The following RIN2 variants were observed in gnomAD, a reference collection of about 807,000 sequenced individuals.
RIN2 encodes RAB5 interacting protein 2.
A neutral mutation model predicts 78.0 loss-of-function variants in RIN2; 36 were observed. The observed-to-expected ratio is 0.46, with a 90% CI of 0.35 to 0.61. The LOEUF (loss-of-function observed/expected upper bound fraction) is 0.61. Among genes scored for constraint, RIN2 ranks in the 20% least tolerant of loss-of-function variants. The pLI is 0.00. For missense variants in RIN2, 1,087 were observed against 1,159.7 expected, an observed-to-expected ratio of 0.94 and a Z score of 0.91; for synonymous variants, 466 against 466.8, an observed-to-expected ratio of 1.00 and a Z score of 0.02.
chr20:19,793,493 T>C (rs1003423547), intron 1 of RIN2, among the ~76,000 whole-genome samples: 26 of 151,904 alleles, frequency 1.7e-4, no homozygotes, highest in African/African-American at 6.3e-4. Flanking sequence ...CTTTCTCTAG[T>C]ACAATTAATT....
At chr20:19,866,778 C>T (rs1456203157) in intron 2 of RIN2, among the ~76,000 whole-genome samples, 1 of 152,094 alleles carries the variant, frequency 6.6e-6, no homozygotes, top group Non-Finnish European at 1.5e-5. Flanking sequence ...GCAGGCACCA[C>T]CACACCAGCA....
At position 19,876,612 on chromosome 20, in the gene RIN2, T is replaced by C. The variant is rs117567641; in HGVS notation, c.-36-12954T>C. Among the ~76,000 whole-genome samples the C allele has an allele frequency of 2.3e-4, 35 of 152,152 alleles. No individual in the cohort carries two copies. The East Asian group carries it at 5.8e-3, about 25-fold the overall frequency. The stretch of plus-strand genomic sequence containing the variant: ...AGTAAAAGCCCTTTATAAATCAAAA[T>C]ACCACATACCGGCTGGGTGCTGTGG... On this transcript the variant is annotated intron_variant, in intron 2 of 12. Coordinates refer to ENST00000255006, the MANE Select transcript of RIN2 (RefSeq NM_018993.4).
intron 2 of RIN2, among the ~76,000 whole-genome samples, chr20:19,835,086 A>AAAGG (rs71198028): frequency 7.2e-6 from 1 of 138,370 alleles, no homozygotes; most frequent in Non-Finnish European, 1.6e-5. Context: ...AGAAAGAAAG[A>AAAGG]GAAAAAGAAA....
At chr20:19,759,253 G>A (rs1240017808) in intron 1 of RIN2, among the ~76,000 whole-genome samples, 2 of 152,162 alleles carry the variant, frequency 1.3e-5, no homozygotes, top group Non-Finnish European at 2.9e-5. Context: ...TAAATCCCTG[G>A]GGCTTTCCTA....
chr20:19,796,116 TAGGGCAA>T, intron 1 of RIN2, among the ~76,000 whole-genome samples: 1 of 152,094 alleles, frequency 6.6e-6, no homozygotes. Context: ...AAAAGTAGGT[TAGGGCAA>T]AGTGTAACAC....
chr20:19,851,324 A>G (rs1304990964), intron 2 of RIN2, among the ~76,000 whole-genome samples: 1 of 152,136 alleles, frequency 6.6e-6, no homozygotes, highest in Non-Finnish European at 1.5e-5. Context: ...TTGCAGTGTC[A>G]GGGGTTCCAG....
At chr20:19,757,884 G>A (rs2033435890), upstream of RIN2, 1 of 152,402 alleles carries the variant, frequency 6.6e-6, no homozygotes, top group Non-Finnish European at 1.5e-5. Context: ...CTCCGGCTTA[G>A]ATAAACTTTC....
intron 1 of RIN2, among the ~76,000 whole-genome samples, chr20:19,796,862 T>A (rs1340177457): frequency 6.6e-6 from 1 of 152,236 alleles, no homozygotes; most frequent in African/African-American, 2.4e-5. Context: ...TGGGGCCAAA[T>A]CATCCCATAA....
chr20:19,940,842 A>C (rs1209532457), intron 4 of RIN2, among the ~76,000 whole-genome samples: 4 of 152,224 alleles, frequency 2.6e-5, no homozygotes, highest in Non-Finnish European at 4.4e-5. Context: ...AGGCTGAGAC[A>C]AGTCTCTAAA....
intron 2 of RIN2, among the ~76,000 whole-genome samples, chr20:19,850,117 T>G (rs1373110515): frequency 6.6e-6 from 1 of 152,246 alleles, no homozygotes; most frequent in African/African-American, 2.4e-5. Context: ...AAATGTGTCC[T>G]GAGGACAAAG....
At chr20:19,824,074 C>G in intron 2 of RIN2, 1 of 618,798 alleles carries the variant, frequency 1.6e-6, no homozygotes, top group South Asian at 1.9e-5. Flanking sequence ...GACTGGTATG[C>G]ACATGTGCTG....
intron 2 of RIN2, among the ~76,000 whole-genome samples, chr20:19,805,960 C>T (rs1299917320): frequency 6.6e-6 from 1 of 152,134 alleles, no homozygotes; most frequent in Non-Finnish European, 1.5e-5. Context: ...TGAGTGAGAA[C>T]ATGCAGTGTT....
chr20:19,863,456 C>A (rs1209189345), intron 2 of RIN2, among the ~76,000 whole-genome samples: 1 of 152,178 alleles, frequency 6.6e-6, no homozygotes, highest in African/African-American at 2.4e-5. Context: ...AAGCAGCCTT[C>A]AACCAATGAC....
chr20:19,980,875 C>G (rs764725745), intron 9 of RIN2, among the ~76,000 whole-genome samples: 5 of 152,192 alleles, frequency 3.3e-5, no homozygotes, highest in African/African-American at 4.8e-5. Context: ...AGCCCCCACT[C>G]TCTTCTCGCA....
At chr20:19,903,462 T>C (rs6112647) in intron 3 of RIN2, among the ~76,000 whole-genome samples, 56,841 of 151,836 alleles carry the variant, frequency 0.37, 10,557 homozygotes, top group African/African-American at 0.4. Flanking sequence ...TGTTTCTTCC[T>C]TTCTCATTCT....
intron 1 of RIN2, among the ~76,000 whole-genome samples, chr20:19,759,922 C>G (rs76391929): frequency 0.038 from 5,807 of 152,296 alleles, 221 homozygotes; most frequent in African/African-American, 0.099. Context: ...CTCCCTCCCC[C>G]ACCTCCCCAT....
intron 1 of RIN2, among the ~76,000 whole-genome samples, chr20:19,787,111 C>T (rs1297296377): frequency 6.6e-6 from 1 of 152,058 alleles, no homozygotes; most frequent in East Asian, 1.9e-4. Flanking sequence ...ACATATTTAA[C>T]ATTCTAGGCC....
chr20:19,792,555 G>A (rs1362537568), intron 1 of RIN2, among the ~76,000 whole-genome samples: 2 of 152,182 alleles, frequency 1.3e-5, no homozygotes, highest in Non-Finnish European at 2.9e-5. Context: ...AGCAAGGGGT[G>A]CCTGCCATTG....
At position 19,912,475 on chromosome 20, in the gene RIN2, C is replaced by CTTTTTTTTTTTTTTTTTTTTT. The variant is rs545323465; in HGVS notation, c.58-22604_58-22603insTTTTTTTTTTTTTTTTTTTTT. On this transcript the variant is annotated intron_variant, in intron 3 of 12. Coordinates refer to ENST00000255006, the MANE Select transcript of RIN2 (RefSeq NM_018993.4). The stretch of plus-strand genomic sequence containing the variant: ...TCATTTCTTTTTTCTTTTTCTTTTT[C>CTTTTTTTTTTTTTTTTTTTTT]TTTTTTTTTTTTTTTTTTTTGAGAT... Among the ~76,000 whole-genome samples, 12 of 110,934 alleles carry CTTTTTTTTTTTTTTTTTTTTT rather than the reference C, an allele frequency of 1.1e-4. 1 individual carries two copies. Among genetic ancestry groups the CTTTTTTTTTTTTTTTTTTTTT allele is most frequent in the East Asian group, 5.7e-4 (2 of 3,488 alleles). 72.8% of individuals were successfully genotyped at this position (110,934 alleles called of 152,430 possible).
Sources: gnomAD v4.1 joint callset for allele counts (sites outside exome capture counted in the v4.1 genomes callset) on GRCh38, gnomAD v4.1.1 for gene constraint, MANE v1.5 for transcripts, NCBI Gene and HGNC (gene_info 2026-07-23, HGNC 2026-07-21) for gene names.